The following IL22RA1 variants were observed in gnomAD, a reference collection of about 807,000 sequenced individuals.
The protein encoded by IL22RA1 is interleukin-22 receptor subunit alpha-1.
IL22RA1 carries 25 observed loss-of-function variants against 32.8 expected under a neutral mutation model. The ratio of observed to expected loss-of-function variants is 0.76; its 90% CI spans 0.55 to 1.06. The LOEUF (loss-of-function observed/expected upper bound fraction) is 1.06, where lower values mean the gene tolerates loss of function less well. Among genes scored for constraint, IL22RA1 ranks in the 50% least tolerant of loss-of-function variants. The pLI is 0.00. For missense variants in IL22RA1, 709 were observed against 727.4 expected (o/e 0.97, Z 0.29); for synonymous variants, 305 against 305.0 (o/e 1.00, Z 0.00).
At position 24,137,333 on chromosome 1, in the gene IL22RA1, T is replaced by A. The variant is rs370292845; in HGVS notation, c.177-24A>T. 4.0e-5 allele frequency: 64 copies of A among 1,607,664 alleles called. No homozygotes were observed. The African/African-American group carries it at 7.5e-4, about 19-fold the overall frequency. On this transcript the variant is annotated intron_variant, in intron 2 of 6. Transcript: ENST00000270800. ...ACCTGCAGGTCAGGAAGGGGCCAAGTCACCGTGGTGATGAAAAGGCCAGCG... is the reference window on the plus strand; with the variant it reads ...ACCTGCAGGTCAGGAAGGGGCCAAGACACCGTGGTGATGAAAAGGCCAGCG...
At chr1:24,128,549 A>AT (rs397814093) in intron 4 of IL22RA1, among the ~76,000 whole-genome samples, 11 of 150,574 alleles carry the variant, frequency 7.3e-5, no homozygotes, top group Middle Eastern at 6.9e-3. Flanking sequence ...ATATATATAT[A>AT]AAATGTGTGG....
At chr1:24,132,136 T>TC (rs1368633570) in intron 4 of IL22RA1, among the ~76,000 whole-genome samples, 1 of 151,900 alleles carries the variant, frequency 6.6e-6, no homozygotes, top group Non-Finnish European at 1.5e-5. Context: ...TCTCCCGGGG[T>TC]CCCTCCACGT....
intron 2 of IL22RA1, among the ~76,000 whole-genome samples, chr1:24,138,208 C>T (rs1177806721): frequency 1.3e-5 from 2 of 152,170 alleles, no homozygotes; most frequent in Non-Finnish European, 2.9e-5. Flanking sequence ...TTATTGGTAG[C>T]TTATAAATTT....
chr1:24,137,723 G>T (rs1644252354), intron 2 of IL22RA1, among the ~76,000 whole-genome samples: 1 of 151,968 alleles, frequency 6.6e-6, no homozygotes, highest in Non-Finnish European at 1.5e-5. Context: ...CACCCTGTTG[G>T]TCAGGCTGGT....
intron 6 of IL22RA1, among the ~76,000 whole-genome samples, chr1:24,122,396 A>AT (rs1485552097): frequency 1.5e-5 from 1 of 65,520 alleles, no homozygotes; most frequent in Admixed American, 1.9e-4. Flanking sequence ...GGGTGGTTTT[A>AT]TTTTTTGGGT....
At chr1:24,127,177 T>C (rs113239240) in intron 5 of IL22RA1, among the ~76,000 whole-genome samples, 2 of 152,192 alleles carry the variant, frequency 1.3e-5, no homozygotes, top group African/African-American at 4.8e-5. Context: ...AGAGTAAGAC[T>C]CTGTCTCAAA....
At chr1:24,130,421 G>T (rs12402565) in intron 4 of IL22RA1, among the ~76,000 whole-genome samples, 1,625 of 152,250 alleles carry the variant, frequency 0.011, 37 homozygotes, top group East Asian at 0.04. Context: ...CCTAAAGTAG[G>T]CATGAATGGG....
chr1:24,137,516 C>CTTTTTTTT (rs11428028), intron 2 of IL22RA1, among the ~76,000 whole-genome samples: 1 of 140,034 alleles, frequency 7.1e-6, no homozygotes, highest in African/African-American at 2.7e-5. Flanking sequence ...TCCTTCCTTT[C>CTTTTTTTT]TTTTTTTTTT....
At chr1:24,134,984 T>C (rs1031007697) in intron 3 of IL22RA1, 1 of 191,778 alleles carries the variant, frequency 5.2e-6, no homozygotes, top group African/African-American at 2.4e-5. Flanking sequence ...CTTCAGGGAT[T>C]CATGGACCTC....
At chr1:24,123,450 G>A (rs1644139847) in intron 5 of IL22RA1, 27 bp from the exon 6 acceptor site, 4 of 1,608,038 alleles carry the variant, frequency 2.5e-6, no homozygotes, top group Non-Finnish European at 3.4e-6. Flanking sequence ...GCCAGAGAAG[G>A]AAGCGTGAGG....
intron 3 of IL22RA1, 143 bp downstream of exon 3, chr1:24,136,987 AG>A (rs1268187708): frequency 2.7e-6 from 2 of 742,554 alleles, no homozygotes; most frequent in Non-Finnish European, 4.2e-6. Flanking sequence ...CTTCCCTAAA[AG>A]CCACATCCCC....
chr1:24,131,654 C>A (rs1256640412), intron 4 of IL22RA1, among the ~76,000 whole-genome samples: 1 of 152,102 alleles, frequency 6.6e-6, no homozygotes, highest in Non-Finnish European at 1.5e-5. Context: ...ATAGACAAAT[C>A]CACAATTATA....
intron 4 of IL22RA1, among the ~76,000 whole-genome samples, chr1:24,132,262 A>G (rs1331334002): frequency 2.6e-5 from 4 of 151,906 alleles, no homozygotes; most frequent in African/African-American, 9.7e-5. Flanking sequence ...GGACCCAAGA[A>G]TCTGCATTTT....
rs758855252 is a variant in IL22RA1, at chr1:24,123,398, G to A, written c.696C>T (p.Ser232=). ...LPDRTWTYSF[S]GAFLFSMGFL... The stretch of plus-strand genomic sequence containing the variant: ...AGCCCATGGAGAACAGGAAGGCTCC[G>A]GAGAAGGAGTAGGTCCATGTCCGGT... The change falls in exon 6 of 7, where the codon TCC becomes TCT. Residue 232 remains serine (S), a synonymous_variant. Transcript: ENST00000270800. The A allele has an allele frequency of 1.1e-5, 17 of 1,613,700 alleles. No homozygotes were observed. Among genetic ancestry groups the A allele is most frequent in the Admixed American group, 8.3e-5 (5 of 59,968 alleles).
Position 24,137,083 on chromosome 1 carries a change from T to C in IL22RA1, c.355+48A>G, listed in dbSNP as rs754558371. On this transcript the variant is annotated intron_variant, in intron 3 of 6. Coordinates refer to ENST00000270800, the MANE Select transcript of IL22RA1 (RefSeq NM_021258.4). The stretch of plus-strand genomic sequence containing the variant: ...GAGGCCATCCCACCCCGCAAACACC[T>C]GCGCTTTCCTCTTCCCTCCCCTGAA... 6.4e-6 allele frequency: 10 copies of C among 1,574,582 alleles called. No homozygotes were observed. The African/African-American group carries it at 1.3e-4, about 21-fold the overall frequency.
chr1:24,141,745 G>A (rs1329022056), intron 1 of IL22RA1, among the ~76,000 whole-genome samples: 1 of 152,116 alleles, frequency 6.6e-6, no homozygotes, highest in East Asian at 1.9e-4. Context: ...GGCACTTCCC[G>A]GGTGAAAGTC....
At chr1:24,134,470 G>A in intron 3 of IL22RA1, 84 bp from the exon 4 acceptor site, 1 of 992,202 alleles carries the variant, frequency 1.0e-6, no homozygotes, top group Non-Finnish European at 1.4e-6. Context: ...AGTGGAAAAT[G>A]ACTGCTCCCT....
At chr1:24,133,331 A>G (rs777629709) in intron 4 of IL22RA1, among the ~76,000 whole-genome samples, 10 of 151,902 alleles carry the variant, frequency 6.6e-5, no homozygotes, top group South Asian at 2.1e-4. Flanking sequence ...CCCACCTCCC[A>G]ATACCCATAT....
At position 24,143,128 on chromosome 1, in the gene IL22RA1, CAG is replaced by C. The variant is rs1557633480; in HGVS notation, c.-48_-47del. ...CCCTTGGCCTCTACTCTGCCGTGCACAGAGAGAGGGCTGGGAGTCTTGGCGCC... is the reference window on the plus strand; with the variant it reads ...CCCTTGGCCTCTACTCTGCCGTGCACAGAGAGGGCTGGGAGTCTTGGCGCC... On this transcript the variant is annotated 5_prime_UTR_variant, in exon 1 of 7. Coordinates refer to ENST00000270800, the MANE Select transcript of IL22RA1 (RefSeq NM_021258.4). 2.5e-6 allele frequency: 4 copies of C among 1,581,276 alleles called. No individual in the cohort carries two copies. Among genetic ancestry groups the C allele is most frequent in the Non-Finnish European group, 3.5e-6 (4 of 1,158,308 alleles).
Sources: gnomAD v4.1 joint callset for allele counts (sites outside exome capture counted in the v4.1 genomes callset) on GRCh38, gnomAD v4.1.1 for gene constraint, MANE v1.5 for transcripts, NCBI Gene and HGNC (gene_info 2026-07-23, HGNC 2026-07-21) for gene names.